TET3: variants seen among roughly 807,000 people sequenced by gnomAD.
TET3 encodes the protein tet methylcytosine dioxygenase 3, also known as methylcytosine dioxygenase TET3.
TET3 carries 19 observed loss-of-function variants against 141.4 expected under a neutral mutation model. The ratio of observed to expected loss-of-function variants is 0.13; its 90% CI spans 0.09 to 0.20. TET3 has a LOEUF of 0.20. Ranked by LOEUF, TET3 falls within the 10% of genes least tolerant of loss-of-function variation. TET3 has a pLI of 1.00. For missense variants in TET3, 1,874 were observed against 2,356.9 expected (o/e 0.80, Z 4.24); for synonymous variants, 1,043 against 980.9 (o/e 1.06, Z -1.18).
downstream of TET3, among the ~76,000 whole-genome samples, chr2:74,112,230 C>T (rs368762866): frequency 6.6e-6 from 1 of 152,094 alleles, no homozygotes. Flanking sequence ...TTTAGTAACA[C>T]TGCAGGCCAT....
At chr2:74,097,699 T>C (rs1690933769) in intron 10 of TET3, among the ~76,000 whole-genome samples, 1 of 152,128 alleles carries the variant, frequency 6.6e-6, no homozygotes, top group East Asian at 1.9e-4. Flanking sequence ...GATTGAACAG[T>C]TTGAATATTT....
chr2:74,071,356 A>T (rs564629208), intron 4 of TET3, among the ~76,000 whole-genome samples: 62 of 152,356 alleles, frequency 4.1e-4, no homozygotes, highest in African/African-American at 1.5e-3. Flanking sequence ...TCTTGCAGAC[A>T]GTGTTGCTGT....
At chr2:74,124,143 G>C in the TET3 span, among the ~76,000 whole-genome samples, 4 of 150,894 alleles carry the variant, frequency 2.7e-5, no homozygotes, top group African/African-American at 9.8e-5. Context: ...CCCCCGCCCC[G>C]CCAGCCGCCC....
rs138593311 is a variant in TET3 at position 74,034,072 on chromosome 2, G to A, written c.361-12206G>A. ...GATCGTGCCATTGCACTTTAGTCAG[G>A]GCAACAAGAGCAACACTCTGTCTCA... On this transcript the variant is annotated intron_variant, in intron 3 of 11. Transcript: ENST00000409262. Among the ~76,000 whole-genome samples the A allele has an allele frequency of 7.8e-3, 1,183 of 151,544 alleles. 16 individuals carry two copies. Among genetic ancestry groups the A allele is most frequent in the African/African-American group, 0.027 (1,113 of 41,294 alleles).
At chr2:74,058,336 C>G (rs1688320968) in intron 4 of TET3, among the ~76,000 whole-genome samples, 1 of 152,150 alleles carries the variant, frequency 6.6e-6, no homozygotes, top group African/African-American at 2.4e-5. Context: ...CTTGGGAACA[C>G]TCGGTGTTCT....
the TET3 span, among the ~76,000 whole-genome samples, chr2:74,127,924 C>G: frequency 0.035 from 5,403 of 152,228 alleles, 313 homozygotes; most frequent in African/African-American, 0.12. Context: ...AGAAAAAGTA[C>G]TGAAACAATT....
chr2:74,051,007 C>A lies in TET3; in HGVS notation c.2494+2596C>A, dbSNP rs576866726. Among the ~76,000 whole-genome samples, 6 of 152,304 alleles carry A rather than the reference C, an allele frequency of 3.9e-5. No individual in the cohort carries two copies. In the South Asian group the frequency reaches 1.2e-3, roughly 32 times the overall value. On this transcript the variant is annotated intron_variant, in intron 4 of 11. Transcript: ENST00000409262. ...CCTGTAGCACAGACTTAGTTGTCAT[C>A]ATGGGAGATCATGTTTTATCTGGGA...
At chr2:73,984,833 G>T (rs1466416752), upstream of TET3, among the ~76,000 whole-genome samples, 2 of 146,714 alleles carry the variant, frequency 1.4e-5, no homozygotes, top group South Asian at 4.2e-4. The surrounding 1 kb of genome is among the most constrained non-coding windows in gnomAD (Gnocchi z 5.6). Context: ...GGCGGGGCTC[G>T]GCGGGGCCGC....
At chr2:74,118,413 TACAGTA>T in the TET3 span, among the ~76,000 whole-genome samples, 1 of 152,240 alleles carries the variant, frequency 6.6e-6, no homozygotes, top group Non-Finnish European at 1.5e-5. Flanking sequence ...AATTGAAACT[TACAGTA>T]TCAGTAAGCA....
intron 5 of TET3, among the ~76,000 whole-genome samples, chr2:74,077,830 A>G (rs1355897579): frequency 1.3e-5 from 2 of 152,196 alleles, no homozygotes; most frequent in East Asian, 3.8e-4. Context: ...GAGTGTGGTC[A>G]CCTCAGGCTG....
the TET3 span, among the ~76,000 whole-genome samples, chr2:74,120,426 C>G: frequency 6.6e-6 from 1 of 152,250 alleles, no homozygotes; most frequent in Non-Finnish European, 1.5e-5. Context: ...TGGCTACGCC[C>G]CGGCCGCTCC....
upstream of TET3, among the ~76,000 whole-genome samples, chr2:73,983,697 G>A (rs566227887): frequency 2.6e-5 from 4 of 152,298 alleles, no homozygotes; most frequent in South Asian, 8.3e-4. Flanking sequence ...TCTTTTTCCA[G>A]TTCTGGCTAA....
chr2:74,120,299 G>A, the TET3 span, among the ~76,000 whole-genome samples: 1 of 152,132 alleles, frequency 6.6e-6, no homozygotes, highest in Non-Finnish European at 1.5e-5. Flanking sequence ...CCTCCACGGC[G>A]GCAGGGGGCG....
At chr2:74,089,874 C>T (rs548387282) in intron 7 of TET3, 23 bp from the exon 8 acceptor site, 8 of 1,613,608 alleles carry the variant, frequency 5.0e-6, no homozygotes, top group African/African-American at 2.7e-5. Flanking sequence ...ATCTATATCC[C>T]TGACCTGTGC....
chr2:74,086,093 A>G (rs920861819), intron 6 of TET3, among the ~76,000 whole-genome samples: 1 of 152,122 alleles, frequency 6.6e-6, no homozygotes, highest in Non-Finnish European at 1.5e-5. Flanking sequence ...CCTGCTCACC[A>G]TCCTGCGTGG....
chr2:74,006,169 T>G (rs1369786688), intron 3 of TET3, among the ~76,000 whole-genome samples: 1 of 152,222 alleles, frequency 6.6e-6, no homozygotes, highest in Admixed American at 6.5e-5. Flanking sequence ...GTTTCTTGCC[T>G]GCTCTTCCTA....
Position 73,986,164 on chromosome 2 carries a change from C to T in TET3, c.-240C>T. The T allele has an allele frequency of 2.7e-6, 1 of 365,906 alleles. No homozygotes were observed. The highest frequency in any genetic ancestry group is 4.8e-6 in the Non-Finnish European group (1 of 206,460). The allele number at this position is 365,906 out of a possible 1,614,324, so 22.7% of individuals were successfully genotyped here. ...TGAGGGCTGCTGCTGGTGTCCTCCC[C>T]CAGATCCTGGGCCCCAGCAGGTGGG... On this transcript the variant is annotated 5_prime_UTR_variant, in exon 2 of 12. Transcript: ENST00000409262.
At chr2:74,031,680 G>C (rs997794199) in intron 3 of TET3, among the ~76,000 whole-genome samples, 1 of 152,174 alleles carries the variant, frequency 6.6e-6, no homozygotes, top group Non-Finnish European at 1.5e-5. Context: ...TGATCTTGTG[G>C]CTGGTAGGTG....
chr2:74,063,084 A>G (rs1032379549), intron 4 of TET3, among the ~76,000 whole-genome samples: 3 of 151,868 alleles, frequency 2.0e-5, no homozygotes, highest in Non-Finnish European at 4.4e-5. Flanking sequence ...AGGTTTCACC[A>G]TGTTGACCAG....
Sources: allele counts gnomAD v4.1 joint callset (sites outside exome capture counted in the v4.1 genomes callset), GRCh38; gene constraint gnomAD v4.1.1; non-coding constraint Gnocchi (gnomAD v3.1); transcripts MANE v1.5; gene names NCBI Gene and HGNC (gene_info 2026-07-23, HGNC 2026-07-21).